GPR19: variants seen among roughly 807,000 people sequenced by gnomAD.
GPR19 encodes G protein-coupled receptor 19, also known as probable G protein-coupled receptor 19.
Under a neutral mutation model 28.5 loss-of-function variants are expected in GPR19, and 14 were observed. The observed-to-expected ratio is 0.49, with a 90% CI of 0.32 to 0.77. The LOEUF is 0.77. Among genes scored for constraint, GPR19 ranks in the 30% least tolerant of loss-of-function variants. The pLI, the probability that GPR19 is intolerant of heterozygous loss-of-function variation, is 0.03. For synonymous variants in GPR19, 173 were observed against 184.1 expected (o/e 0.94, Z 0.49); for missense variants, 409 against 504.1 (o/e 0.81, Z 1.81).
chr12:12,716,945 C>G, the GPR19 span: 1 of 985,150 alleles, frequency 1.0e-6, no homozygotes, highest in East Asian at 1.1e-4. Flanking sequence ...CACCCCGGCT[C>G]CTAGCGAGCT....
At chr12:12,665,572 C>A (rs1172665444) in intron 3 of GPR19, among the ~76,000 whole-genome samples, 1 of 152,182 alleles carries the variant, frequency 6.6e-6, no homozygotes, top group Non-Finnish European at 1.5e-5. Context: ...AGCGCGGTGG[C>A]TCACGCCTGT....
chr12:12,717,078 C>A, the GPR19 span: 3 of 1,009,560 alleles, frequency 3.0e-6, no homozygotes, highest in East Asian at 7.2e-5. Flanking sequence ...GAACCTCAGG[C>A]CCCGCCCCAG....
the GPR19 span, among the ~76,000 whole-genome samples, chr12:12,714,640 T>G: frequency 2.0e-5 from 3 of 151,876 alleles, no homozygotes; most frequent in East Asian, 5.8e-4. Context: ...TGTAGAGCTT[T>G]CCGTCTTTTA....
intron 2 of GPR19, among the ~76,000 whole-genome samples, chr12:12,686,617 C>G (rs948380486): frequency 6.6e-6 from 1 of 152,168 alleles, no homozygotes; most frequent in African/African-American, 2.4e-5. Context: ...GAAATGGAGG[C>G]TTGGGGGAAT....
At chr12:12,683,237 G>A (rs1213177731) in intron 3 of GPR19, among the ~76,000 whole-genome samples, 1 of 152,128 alleles carries the variant, frequency 6.6e-6, no homozygotes, top group Non-Finnish European at 1.5e-5. Flanking sequence ...ATTACTTACT[G>A]GGTTACTTGG....
chr12:12,706,118 C>T, the GPR19 span, among the ~76,000 whole-genome samples: 1 of 152,202 alleles, frequency 6.6e-6, no homozygotes, highest in Admixed American at 6.5e-5. Context: ...ATGACTTTCT[C>T]TTTTTAACTC....
At chr12:12,671,919 T>C (rs1461887285) in intron 3 of GPR19, among the ~76,000 whole-genome samples, 1 of 152,214 alleles carries the variant, frequency 6.6e-6, no homozygotes, top group East Asian at 1.9e-4. Flanking sequence ...ATTCATTCTA[T>C]CTCTGAAATC....
chr12:12,697,912 G>A (rs1251020171), upstream of GPR19, among the ~76,000 whole-genome samples: 5 of 151,980 alleles, frequency 3.3e-5, no homozygotes, highest in African/African-American at 1.2e-4. Flanking sequence ...GGTGAAAATC[G>A]GTTTTCCAAG....
rs1464567114 is a variant in GPR19, at chr12:12,696,080, T to G, written c.-248A>C. Reference sequence around the variant, plus strand: ...ATGACCATACGAGCTTGTGGACTTTTGCCTGCAAAATCTCATAGAATGTGG... The same window carrying G: ...ATGACCATACGAGCTTGTGGACTTTGGCCTGCAAAATCTCATAGAATGTGG... On this transcript the variant is annotated 5_prime_UTR_variant, in exon 1 of 4. Coordinates refer to ENST00000651487, the MANE Select transcript of GPR19 (RefSeq NM_006143.3). 1 of 152,220 alleles carries G rather than the reference T, an allele frequency of 6.6e-6. No individual in the cohort carries two copies. Among genetic ancestry groups the G allele is most frequent in the Non-Finnish European group, 1.5e-5 (1 of 68,046 alleles). 9.4% of individuals were successfully genotyped at this position (152,220 alleles called of 1,614,324 possible).
intron 3 of GPR19, among the ~76,000 whole-genome samples, chr12:12,665,751 G>C (rs931388426): frequency 1.4e-5 from 2 of 142,332 alleles, no homozygotes; most frequent in Admixed American, 7.5e-5. Context: ...GCAGGAGAAC[G>C]GCGTGAACCC....
intron 3 of GPR19, among the ~76,000 whole-genome samples, chr12:12,672,109 C>G (rs903880565): frequency 6.6e-6 from 1 of 152,226 alleles, no homozygotes; most frequent in Non-Finnish European, 1.5e-5. Context: ...TGGATAACCA[C>G]TGGTAGCTAC....
chr12:12,677,071 T>A (rs985190146), intron 3 of GPR19, among the ~76,000 whole-genome samples: 3 of 152,198 alleles, frequency 2.0e-5, no homozygotes, highest in Non-Finnish European at 4.4e-5. Flanking sequence ...TACTAAGCAT[T>A]ATTTCTCAGG....
At chr12:12,692,588 C>A (rs1444850855) in intron 2 of GPR19, among the ~76,000 whole-genome samples, 1 of 152,114 alleles carries the variant, frequency 6.6e-6, no homozygotes, top group Non-Finnish European at 1.5e-5. Context: ...GACTGGATAC[C>A]CTCATTTATA....
intron 3 of GPR19, 131 bp from the exon 4 acceptor site, chr12:12,662,601 G>A (rs376218090): frequency 3.1e-5 from 24 of 766,106 alleles, no homozygotes; most frequent in South Asian, 5.6e-5. Flanking sequence ...GGACTTGAGC[G>A]TTGGCAGGAA....
chr12:12,680,856 T>G (rs1397954154), intron 3 of GPR19, among the ~76,000 whole-genome samples: 1 of 151,990 alleles, frequency 6.6e-6, no homozygotes, highest in Non-Finnish European at 1.5e-5. Flanking sequence ...ACCCAGCTAA[T>G]TTTTGTATTT....
upstream of GPR19, among the ~76,000 whole-genome samples, chr12:12,697,153 T>TAAAAAAAAAAAAAAAAAAAAAAAAAAA (rs386375639): frequency 2.3e-4 from 11 of 48,848 alleles, 2 homozygotes; most frequent in Non-Finnish European, 3.2e-4. Flanking sequence ...TGAAGCGAAG[T>TAAAAAAAAAAAAAAAAAAAAAAAAAAA]AAAAAAAAAA....
rs528302150 is a variant in GPR19, at chr12:12,665,819, C to CAAAAAAA, written c.-22-3356_-22-3350dup. Among the ~76,000 whole-genome samples, 67 of 75,726 alleles carry CAAAAAAA rather than the reference C, an allele frequency of 8.8e-4. 3 individuals are homozygous for CAAAAAAA. The highest frequency in any genetic ancestry group is 0.012 in the Middle Eastern group (1 of 82). The allele number at this position is 75,726 out of a possible 152,430, so 49.7% of individuals were successfully genotyped here. ...TGGGGCACAAAGCCAGACTCCGTCT[C>CAAAAAAA]AAAAAAAAAAAAAAAAAAAAAAAAA... On this transcript the variant is annotated intron_variant, in intron 3 of 3. Coordinates refer to ENST00000651487, the MANE Select transcript of GPR19 (RefSeq NM_006143.3).
intron 2 of GPR19, among the ~76,000 whole-genome samples, chr12:12,692,767 C>T (rs1465715261): frequency 6.6e-6 from 1 of 151,532 alleles, no homozygotes; most frequent in African/African-American, 2.4e-5. Context: ...AAAAGTACTA[C>T]TGGCCTCCAG....
intron 2 of GPR19, among the ~76,000 whole-genome samples, chr12:12,689,156 TA>T (rs1369119614): frequency 3.3e-5 from 5 of 152,062 alleles, no homozygotes; most frequent in Admixed American, 2.6e-4. Context: ...GCCACACACT[TA>T]ATACAGCAGA....
Sources: gnomAD v4.1 joint callset for allele counts (sites outside exome capture counted in the v4.1 genomes callset) on GRCh38, gnomAD v4.1.1 for gene constraint, MANE v1.5 for transcripts, NCBI Gene and HGNC (gene_info 2026-07-23, HGNC 2026-07-21) for gene names.